KAT2A: variants seen among roughly 807,000 people sequenced by gnomAD.
KAT2A encodes the protein histone acetyltransferase KAT2A.
A neutral mutation model predicts 95.2 loss-of-function variants in KAT2A; 42 were observed. The observed-to-expected ratio is 0.44, with a 90% CI of 0.34 to 0.57. KAT2A has a LOEUF of 0.57. KAT2A is among the 20% of genes least tolerant of loss of function. The probability of loss-of-function intolerance (pLI) is 0.01; values close to 1 mark genes in which losing one functional copy is unlikely to be tolerated. For missense variants in KAT2A, 784 were observed against 1,126.3 expected (o/e 0.70, Z 4.35); for synonymous variants, 449 against 448.2 (o/e 1.00, Z -0.02).
chr17:42,114,991 G>A lies in KAT2A; in HGVS notation c.1920C>T (p.Gly640=), dbSNP rs369663577. The A allele has an allele frequency of 1.2e-6, 2 of 1,613,880 alleles. No individual in the cohort carries two copies. The highest frequency in any genetic ancestry group is 2.7e-5 in the African/African-American group (2 of 74,864). The change falls in exon 13 of 18, where the codon GGC becomes GGT. Residue 640 remains glycine, a synonymous_variant. Transcript: ENST00000225916. This position sits in a 1 kb window ranked among gnomAD's most constrained non-coding sequence, Gnocchi z 6.0. The part of the protein sequence containing the change: ...DIKVPKSRYL[G]YIKDYEGATL... The stretch of plus-strand genomic sequence containing the variant: ...TCGCTCCCTCGTAGTCCTTGATGTA[G>A]CCCAGGTAGCGGCTCTTGGGCACCT...
rs372725896 is a variant in KAT2A at position 42,113,859 on chromosome 17, C to T, written c.2321-17G>A. ...TCTTCAGGTCTGGGGCAGCAGGAGA[C>T]GGAGCACAGCTTTAAGAGGCTGAAG... is the stretch of plus-strand genomic sequence containing the variant. On this transcript the variant is annotated splice_polypyrimidine_tract_variant and intron_variant, in intron 17 of 17. Coordinates refer to ENST00000225916, the MANE Select transcript of KAT2A (RefSeq NM_021078.3). 3.0e-4 allele frequency: 463 copies of T among 1,558,562 alleles called. 1 individual carries two copies. The highest frequency in any genetic ancestry group is 3.8e-4 in the Non-Finnish European group (440 of 1,155,650).
Position 42,121,143 on chromosome 17 carries a change from T to TGGGGCTGCAGCTGGGGCA in KAT2A, c.144_161dup (p.Pro50_Ala55dup), listed in dbSNP as rs1224820907. On this transcript the variant is annotated inframe_insertion, in exon 1 of 18. Transcript: ENST00000225916. Reference sequence around the variant, plus strand: ...GCCCCCCAGTCCCTGTGCTGCCGGCTGGGGCTGCAGCTGGGGCAGGGGCTG... The same window carrying TGGGGCTGCAGCTGGGGCA: ...GCCCCCCAGTCCCTGTGCTGCCGGCTGGGGCTGCAGCTGGGGCAGGGGCTGCAGCTGGGGCAGGGGCTG... 3.4e-6 allele frequency: 5 copies of TGGGGCTGCAGCTGGGGCA among 1,480,854 alleles called. No individual in the cohort carries two copies. The highest frequency in any genetic ancestry group is 5.0e-5 in the East Asian group (2 of 40,264). 91.7% of individuals were successfully genotyped at this position (1,480,854 alleles called of 1,614,324 possible).
At chr17:42,120,409 A>AG (rs1555667064) in intron 2 of KAT2A, 39 bp from the exon 3 acceptor site, 1 of 1,608,024 alleles carries the variant, frequency 6.2e-7, no homozygotes, top group South Asian at 1.1e-5. Context: ...AATTGATAGA[A>AG]GAAATCAACA....
In KAT2A at chr17:42,114,152, C is replaced by A. The variant is rs2144027270; in HGVS notation, c.2235+67G>T. ...CGCCAGCCCGAGACCACTACCCACC[C>A]CACACTGCATCAAGAGGCCACAGCC... is the stretch of plus-strand genomic sequence containing the variant. On this transcript the variant is annotated intron_variant, in intron 16 of 17. Coordinates refer to ENST00000225916, the MANE Select transcript of KAT2A (RefSeq NM_021078.3). This position sits in a 1 kb window ranked among gnomAD's most constrained non-coding sequence, Gnocchi z 6.0. 1 of 1,576,442 alleles carries A rather than the reference C, an allele frequency of 6.3e-7. No individual in the cohort carries two copies. The highest frequency in any genetic ancestry group is 8.6e-7 in the Non-Finnish European group (1 of 1,162,582).
intron 11 of KAT2A, among the ~76,000 whole-genome samples, chr17:42,116,459 T>G (rs2144034058): frequency 6.6e-6 from 1 of 152,380 alleles, no homozygotes; most frequent in East Asian, 1.9e-4. Context: ...GGCTCATGCC[T>G]GTAATCCCAG....
intron 6 of KAT2A, 95 bp from the exon 7 acceptor site, chr17:42,118,498 C>T (rs889405295): frequency 4.7e-6 from 4 of 856,740 alleles, no homozygotes; most frequent in East Asian, 4.9e-5. Flanking sequence ...AGAGACAGAC[C>T]CTGCTCTTAG....
Position 42,114,624 on chromosome 17 carries a change from G to C in KAT2A, c.2020-20C>G. 1 of 1,601,342 alleles carries C rather than the reference G, an allele frequency of 6.2e-7. No homozygotes were observed. The highest frequency in any genetic ancestry group is 8.5e-7 in the Non-Finnish European group (1 of 1,170,930). On this transcript the variant is annotated intron_variant, in intron 13 of 17. Transcript: ENST00000225916. The surrounding 1 kb of genome is among the most constrained non-coding windows in gnomAD (Gnocchi z 6.0). ...GATGATCTGAGGGAAGGAAGGGACT[G>C]AGGGGCCAACTCCAGCCCCAACAAC...
Position 42,120,281 on chromosome 17 carries a change from A to C in KAT2A, c.553T>G (p.Ser185Ala). Residue 185 changes from serine to alanine, a missense_variant, in exon 3 of 18, where the codon TCT becomes GCT. Coordinates refer to ENST00000225916, the MANE Select transcript of KAT2A (RefSeq NM_021078.3). ...MVVDVENLFM[S>A]VHKEEDTDTK... ...TCTGTGTCCTCTTCCTTGTGAACAG[A>C]CATGAAGAGATTCTCCACATCCACC... 4 of 1,614,160 alleles carry C rather than the reference A, an allele frequency of 2.5e-6. No homozygotes were observed. Among genetic ancestry groups the C allele is most frequent in the Non-Finnish European group, 3.4e-6 (4 of 1,179,968 alleles).
In KAT2A at chr17:42,114,976, G is replaced by A. The variant is rs139762624; in HGVS notation, c.1935C>T (p.Tyr645=). The part of the protein sequence containing the change: ...KSRYLGYIKD[Y]EGATLMECEL... ...CACACTCCATCAGCGTCGCTCCCTC[G>A]TAGTCCTTGATGTAGCCCAGGTAGC... The change falls in exon 13 of 18, where the codon TAC becomes TAT. Residue 645 remains tyrosine, a synonymous_variant. Transcript: ENST00000225916. This position sits in a 1 kb window ranked among gnomAD's most constrained non-coding sequence, Gnocchi z 6.0. 13 of 1,613,866 alleles carry A rather than the reference G, an allele frequency of 8.1e-6. No homozygotes were observed. The African/African-American group carries it at 9.4e-5, about 12-fold the overall frequency.
chr17:42,114,586 C>T lies in KAT2A; in HGVS notation c.2038G>A (p.Glu680Lys). ...TTGCGGATCTGGGCCTGTTTGCGCT[C>T]AATCAGCTTCTTGATGATCTGAGGG... is the stretch of plus-strand genomic sequence containing the variant. ...KQKEIIKKLI[E>K]RKQAQIRKVY... The change falls in exon 14 of 18, where the codon GAG (glutamate) becomes AAG (lysine). Residue 680 changes from glutamate to lysine, a missense_variant. Physicochemically the swap from Glu to Lys is moderately conservative, Grantham distance 56. Transcript: ENST00000225916. The surrounding 1 kb of genome is among the most constrained non-coding windows in gnomAD (Gnocchi z 6.0). 6.2e-7 allele frequency: 1 copy of T among 1,613,850 alleles called. No individual in the cohort carries two copies.
At chr17:42,118,904 T>G in intron 6 of KAT2A, 1 of 513,014 alleles carries the variant, frequency 1.9e-6, no homozygotes, top group Non-Finnish European at 2.8e-6. Flanking sequence ...GGAGTAGAAA[T>G]TGGTTTCACT....
At position 42,121,266 on chromosome 17, in the gene KAT2A, A is replaced by C. The variant is rs541424646; in HGVS notation, c.39T>G (p.Ala13=). The C allele has an allele frequency of 7.1e-4, 954 of 1,350,208 alleles. 13 individuals carry two copies. The South Asian group carries it at 0.014, about 20-fold the overall frequency. 83.6% of individuals were successfully genotyped at this position (1,350,208 alleles called of 1,614,324 possible). A position where few individuals can be genotyped will look rare whatever the true frequency, so the allele number is the denominator to read the frequency against. ...GGGACTGAAGGGGCCGGGGCTGCGC[A>C]GCCGGGGCCGGGGTCGGGGCCTGGG... ...EPSQAPTPAP[A]AQPRPLQSPA... The change falls in exon 1 of 18, where the codon GCT becomes GCG. Residue 13 remains alanine (A), a synonymous_variant. Coordinates refer to ENST00000225916, the MANE Select transcript of KAT2A (RefSeq NM_021078.3).
At chr17:42,120,580 C>G (rs1198977261) in intron 2 of KAT2A, 126 bp downstream of exon 2, 15 of 1,349,244 alleles carry the variant, frequency 1.1e-5, no homozygotes, top group Non-Finnish European at 1.2e-5. Context: ...GCACACCCCC[C>G]CCCAACCCAA....
intron 12 of KAT2A, among the ~76,000 whole-genome samples, 186 bp downstream of exon 12, chr17:42,115,537 C>G (rs2054245622): frequency 6.6e-6 from 1 of 151,864 alleles, no homozygotes. Context: ...CTACTGGCCC[C>G]ACAGGCCCTC....
chr17:42,119,043 G>T lies in KAT2A; in HGVS notation c.1073+202C>A. ...GGTCGGGTGGGGGCAGCGTTAGCTT[G>T]GGCTATGTACCTGCCATCCCCAGAC... On this transcript the variant is annotated intron_variant, in intron 6 of 17. Transcript: ENST00000225916. The surrounding 1 kb of genome is among the most constrained non-coding windows in gnomAD (Gnocchi z 5.3). 1 of 1,408,798 alleles carries T rather than the reference G, an allele frequency of 7.1e-7. No individual in the cohort carries two copies. The highest frequency in any genetic ancestry group is 9.2e-7 in the Non-Finnish European group (1 of 1,083,246). 87.3% of individuals were successfully genotyped at this position (1,408,798 alleles called of 1,614,324 possible). A position where few individuals can be genotyped will look rare whatever the true frequency, so the allele number is the denominator to read the frequency against.
rs1312442282 is a variant in KAT2A at position 42,120,318 on chromosome 17, C to T, written c.516G>A (p.Leu172=). Residue 172 remains leucine (L), a synonymous_variant, in exon 3 of 18, where the codon CTG becomes CTA. Transcript: ENST00000225916. ...ENVSEDEINR[L]LGMVVDVENL... ...TCTCCACATCCACCACCATCCCCAGCAGTCGGTTTATCTCATCCTCTGACA... is the reference window on the plus strand; with the variant it reads ...TCTCCACATCCACCACCATCCCCAGTAGTCGGTTTATCTCATCCTCTGACA... 2 of 1,614,100 alleles carry T rather than the reference C, an allele frequency of 1.2e-6. No homozygotes were observed. The highest frequency in any genetic ancestry group is 2.7e-5 in the African/African-American group (2 of 74,940).
At chr17:42,120,203 C>A in intron 3 of KAT2A, 22 bp downstream of exon 3, 1 of 1,614,078 alleles carries the variant, frequency 6.2e-7, no homozygotes, top group South Asian at 1.1e-5. Flanking sequence ...TTCACTCACA[C>A]CCTCCTTTAG....
At position 42,117,071 on chromosome 17, in the gene KAT2A, A is replaced by G. The variant is rs151175267; in HGVS notation, c.1728T>C (p.Ile576=). 8 of 1,614,134 alleles carry G rather than the reference A, an allele frequency of 5.0e-6. No homozygotes were observed. Among genetic ancestry groups the G allele is most frequent in the Non-Finnish European group, 5.9e-6 (7 of 1,180,024 alleles). Residue 576 remains isoleucine (I), a synonymous_variant, in exon 11 of 18, where the codon ATT becomes ATC. Coordinates refer to ENST00000225916, the MANE Select transcript of KAT2A (RefSeq NM_021078.3). This position sits in a 1 kb window ranked among gnomAD's most constrained non-coding sequence, Gnocchi z 8.9. ...CATTCGAGGTGACAGCACAGAAGAC[A>G]ATCTCCGTGAAGCCCTGGGTGGGAA... ...RMFPTQGFTE[I]VFCAVTSNEQ... is the part of the protein sequence containing the mutation.
rs367987923 is a variant in KAT2A, at chr17:42,120,123, G to C, written c.610-4C>G. 1.2e-5 allele frequency: 20 copies of C among 1,614,082 alleles called. No individual in the cohort carries two copies. The African/African-American group carries it at 2.4e-4, about 19-fold the overall frequency. ...GCAGGATGCATTTCCGCAGTAGCTA[G>C]AGAGAAGAGGAAGGGGGCATAGAGG... On this transcript the variant is annotated splice_polypyrimidine_tract_variant and splice_region_variant and intron_variant, in intron 3 of 17. Transcript: ENST00000225916.
Sources: allele counts gnomAD v4.1 joint callset (sites outside exome capture counted in the v4.1 genomes callset), GRCh38; gene constraint gnomAD v4.1.1; non-coding constraint Gnocchi (gnomAD v3.1); transcripts MANE v1.5; gene names NCBI Gene and HGNC (gene_info 2026-07-23, HGNC 2026-07-21).